The following GRIK2 variants were observed in gnomAD, a reference collection of about 807,000 sequenced individuals.
The protein encoded by GRIK2 is glutamate receptor ionotropic, kainate 2.
In GRIK2, 32 loss-of-function variants were observed where a neutral mutation model predicts 100.3. The observed-to-expected ratio is 0.32, with a 90% confidence interval of 0.24 to 0.43. The LOEUF is 0.43. GRIK2 is among the 20% of genes least tolerant of loss of function. The pLI is 1.00. For missense variants in GRIK2, 843 were observed against 1,114.9 expected, an observed-to-expected ratio of 0.76 and a Z score of 3.47; for synonymous variants, 417 against 389.4, an observed-to-expected ratio of 1.07 and a Z score of -0.83.
At chr6:102,063,375 A>G (rs1347383748) in intron 16 of GRIK2, among the ~76,000 whole-genome samples, 1 of 150,798 alleles carries the variant, frequency 6.6e-6, no homozygotes, top group Non-Finnish European at 1.5e-5. Context: ...ATATTTTATG[A>G]TATTTCTTGA....
chr6:101,963,266 T>C (rs753530102), intron 14 of GRIK2, among the ~76,000 whole-genome samples: 22 of 145,204 alleles, frequency 1.5e-4, no homozygotes, highest in Non-Finnish European at 2.4e-4. Context: ...TTCATATTTA[T>C]ACTTATTTAG....
rs148116734 is a variant in GRIK2 at position 101,609,551 on chromosome 6, A to C, written c.116-12398A>C. On this transcript the variant is annotated intron_variant, in intron 2 of 16. Transcript: ENST00000369134. ...TGTCTTAGTTGCCTGCAAAAGGAAAATAATGGCCATTTGATCAATTTCTAC... is the reference window on the plus strand; with the variant it reads ...TGTCTTAGTTGCCTGCAAAAGGAAACTAATGGCCATTTGATCAATTTCTAC... Among the ~76,000 whole-genome samples the C allele has an allele frequency of 1.9e-3, 283 of 151,980 alleles. 2 individuals carry two copies. The highest frequency in any genetic ancestry group is 6.5e-3 in the African/African-American group (270 of 41,522).
At chr6:101,859,541 G>T (rs368822741) in intron 11 of GRIK2, 48 bp downstream of exon 11, 119 of 1,072,152 alleles carry the variant, frequency 1.1e-4, no homozygotes, top group Non-Finnish European at 1.5e-4. Flanking sequence ...TTGCTACAAG[G>T]TTTACTCTTT....
intron 10 of GRIK2, among the ~76,000 whole-genome samples, chr6:101,839,406 A>T (rs571485484): frequency 6.6e-6 from 1 of 152,334 alleles, no homozygotes; most frequent in East Asian, 1.9e-4. Context: ...AACTCTAAGT[A>T]GTCTACCACT....
At position 101,632,194 on chromosome 6, in the gene GRIK2, T is replaced by C. The variant is rs115581957; in HGVS notation, c.541+5557T>C. On this transcript the variant is annotated intron_variant, in intron 4 of 16. Transcript: ENST00000369134. ...CTGACCCCTGCTTTCAAGTCTGGAA[T>C]AGGTCTCTCCAAACACATCCCAAAG... 4.3e-4 allele frequency among the ~76,000 whole-genome samples: 65 copies of C among 152,176 alleles called. 1 individual carries two copies. The highest frequency in any genetic ancestry group is 1.6e-3 in the African/African-American group (65 of 41,540).
Position 101,769,807 on chromosome 6 carries a change from A to G in GRIK2, c.952-29841A>G, listed in dbSNP as rs1489575016. ...GGGAATATGCACGTCAAAGTAAACT[A>G]TGCACATAGTTAGGGAGGTAAAGGA... On this transcript the variant is annotated intron_variant, in intron 7 of 16. Coordinates refer to ENST00000369134, the MANE Select transcript of GRIK2 (RefSeq NM_021956.5). 2.6e-5 allele frequency among the ~76,000 whole-genome samples: 4 copies of G among 152,322 alleles called. No individual in the cohort carries two copies. The South Asian group carries it at 6.2e-4, about 24-fold the overall frequency.
chr6:102,008,639 G>T (rs1242102128), intron 14 of GRIK2, among the ~76,000 whole-genome samples: 2 of 151,916 alleles, frequency 1.3e-5, no homozygotes, highest in Non-Finnish European at 2.9e-5. Flanking sequence ...ACAATTTAAG[G>T]CTTCACTTTT....
chr6:102,055,709 T>A, intron 16 of GRIK2, 129 bp downstream of exon 16: 1 of 629,194 alleles, frequency 1.6e-6, no homozygotes, highest in South Asian at 2.1e-5. Flanking sequence ...TTGTCTTATG[T>A]CATTCATTAC....
chr6:101,755,067 GAAC>G (rs1046391333), intron 7 of GRIK2, among the ~76,000 whole-genome samples: 1 of 151,486 alleles, frequency 6.6e-6, no homozygotes, highest in Non-Finnish European at 1.5e-5. Flanking sequence ...TGAAAGCAAG[GAAC>G]AAGAAGAAAA....
intron 2 of GRIK2, among the ~76,000 whole-genome samples, chr6:101,533,687 G>T (rs1465931695): frequency 6.6e-6 from 1 of 151,940 alleles, no homozygotes; most frequent in Admixed American, 6.6e-5. Flanking sequence ...CAGTCATGCT[G>T]ATAGGGCAGT....
chr6:101,509,237 A>G (rs1774182003), intron 2 of GRIK2, among the ~76,000 whole-genome samples: 1 of 152,018 alleles, frequency 6.6e-6, no homozygotes, highest in Non-Finnish European at 1.5e-5. Flanking sequence ...ATGTACACAG[A>G]CACCTTACCA....
intron 11 of GRIK2, among the ~76,000 whole-genome samples, chr6:101,869,174 G>A (rs1382590758): frequency 1.3e-5 from 2 of 151,744 alleles, no homozygotes; most frequent in African/African-American, 2.4e-5. Context: ...TGACCAAAAC[G>A]GTGTACTTGG....
At chr6:101,893,108 A>G (rs1787211357) in intron 12 of GRIK2, among the ~76,000 whole-genome samples, 1 of 151,216 alleles carries the variant, frequency 6.6e-6, no homozygotes, top group Non-Finnish European at 1.5e-5. Flanking sequence ...AGAATTTAAA[A>G]TACATTTATT....
At chr6:101,699,724 TTTAAGAAACAGA>T (rs1379199135) in intron 7 of GRIK2, among the ~76,000 whole-genome samples, 1 of 152,126 alleles carries the variant, frequency 6.6e-6, no homozygotes, top group East Asian at 1.9e-4. Flanking sequence ...ATAGTTGCAA[TTTAAGAAACAGA>T]GGAGAGAGTA....
At chr6:101,875,724 G>GT (rs1417273732) in intron 11 of GRIK2, among the ~76,000 whole-genome samples, 1 of 151,476 alleles carries the variant, frequency 6.6e-6, no homozygotes, top group Non-Finnish European at 1.5e-5. Flanking sequence ...TTCTTTAGGG[G>GT]TTTTTATGGA....
chr6:101,502,443 A>G (rs1036454460), intron 2 of GRIK2, among the ~76,000 whole-genome samples: 20 of 152,178 alleles, frequency 1.3e-4, no homozygotes, highest in Non-Finnish European at 2.2e-4. Context: ...TAGTCATGCA[A>G]TGTGAATGTG....
At position 102,045,196 on chromosome 6, in the gene GRIK2, C is replaced by A. The variant is rs111518340; in HGVS notation, c.2311+9630C>A. On this transcript the variant is annotated intron_variant, in intron 15 of 16. Transcript: ENST00000369134. ...AGAGTTCTCAGTGTAACAAAGACTACATAAAATTTAGCAAGTTTTTACAAA... is the reference window on the plus strand; with the variant it reads ...AGAGTTCTCAGTGTAACAAAGACTAAATAAAATTTAGCAAGTTTTTACAAA... 9.2e-3 allele frequency among the ~76,000 whole-genome samples: 1,399 copies of A among 152,010 alleles called. 25 individuals are homozygous for A. The highest frequency in any genetic ancestry group is 0.032 in the African/African-American group (1,326 of 41,472).
At chr6:101,715,844 C>T (rs1774027063) in intron 7 of GRIK2, among the ~76,000 whole-genome samples, 1 of 151,758 alleles carries the variant, frequency 6.6e-6, no homozygotes, top group Admixed American at 6.6e-5. Flanking sequence ...GCTTCGTATT[C>T]TAAACAAGTC....
chr6:101,557,041 G>T (rs1776782727), intron 2 of GRIK2, among the ~76,000 whole-genome samples: 1 of 151,774 alleles, frequency 6.6e-6, no homozygotes, highest in African/African-American at 2.4e-5. Flanking sequence ...TCTCTTTTAG[G>T]TGTTTCATTC....
Sources: allele counts gnomAD v4.1 joint callset (sites outside exome capture counted in the v4.1 genomes callset), GRCh38; gene constraint gnomAD v4.1.1; transcripts MANE v1.5; gene names NCBI Gene and HGNC (gene_info 2026-07-23, HGNC 2026-07-21).